CALN1: variants seen among roughly 807,000 people sequenced by gnomAD.
CALN1 encodes the protein calcium-binding protein 8.
Under a neutral mutation model 30.6 loss-of-function variants are expected in CALN1, and 17 were observed. The observed-to-expected ratio is 0.56, with a 90% CI of 0.38 to 0.83. The LOEUF is 0.83. Among genes scored for constraint, CALN1 ranks in the 40% least tolerant of loss-of-function variants. The pLI is 0.00. For synonymous variants in CALN1, 156 were observed against 131.4 expected (o/e 1.19, Z -1.28); for missense variants, 291 against 354.9 (o/e 0.82, Z 1.45).
At chr7:72,155,591 T>C (rs770232937) in intron 3 of CALN1, among the ~76,000 whole-genome samples, 16 of 152,106 alleles carry the variant, frequency 1.1e-4, no homozygotes, top group Non-Finnish European at 1.2e-4. Context: ...AGCAGACGCA[T>C]AGAGCTTCAT....
chr7:71,924,859 CT>C lies in CALN1; in HGVS notation c.501+98797del, dbSNP rs1319504285. 4.6e-5 allele frequency among the ~76,000 whole-genome samples: 7 copies of C among 152,056 alleles called. No individual in the cohort carries two copies. In the South Asian group the frequency reaches 1.4e-3, roughly 31 times the overall value. On this transcript the variant is annotated intron_variant, in intron 5 of 6. Coordinates refer to ENST00000395275, the MANE Select transcript of CALN1 (RefSeq NM_031468.4). ...CATTATGTCTTAAAACTATTAATTG[CT>C]TTAAATAATTGCTTTAAAGGATCAA...
chr7:71,870,181 G>A (rs780604219), intron 5 of CALN1, among the ~76,000 whole-genome samples: 3 of 152,108 alleles, frequency 2.0e-5, no homozygotes, highest in Non-Finnish European at 2.9e-5. Flanking sequence ...TCAGGAGTTC[G>A]AGACCAACCT....
upstream of CALN1, among the ~76,000 whole-genome samples, chr7:72,449,037 G>A (rs78923621): frequency 0.02 from 3,037 of 152,204 alleles, 110 homozygotes; most frequent in African/African-American, 0.07. Context: ...AGGGAGGTGG[G>A]CTGTAGTGTC....
chr7:72,144,141 T>C (rs1585031764), intron 3 of CALN1, among the ~76,000 whole-genome samples: 1 of 152,254 alleles, frequency 6.6e-6, no homozygotes, highest in Middle Eastern at 3.4e-3. Flanking sequence ...ACTTTAAATG[T>C]AAATGGACTA....
chr7:72,479,257 A>G, the CALN1 span, among the ~76,000 whole-genome samples: 2 of 152,092 alleles, frequency 1.3e-5, no homozygotes, highest in African/African-American at 4.8e-5. Flanking sequence ...CTTCTTATCA[A>G]GTTTGGAAAG....
intron 5 of CALN1, among the ~76,000 whole-genome samples, chr7:71,818,447 G>A (rs1248158047): frequency 6.6e-6 from 1 of 152,162 alleles, no homozygotes; most frequent in African/African-American, 2.4e-5. Flanking sequence ...AAGGAATGAG[G>A]TGAGGGATAT....
At chr7:72,069,521 T>C (rs1162298740) in intron 4 of CALN1, among the ~76,000 whole-genome samples, 1 of 152,132 alleles carries the variant, frequency 6.6e-6, no homozygotes, top group Non-Finnish European at 1.5e-5. Flanking sequence ...CAGTATCCTT[T>C]GGTTTCTGGC....
At chr7:72,089,809 A>G (rs1805730967) in intron 4 of CALN1, among the ~76,000 whole-genome samples, 1 of 152,218 alleles carries the variant, frequency 6.6e-6, no homozygotes, top group African/African-American at 2.4e-5. Context: ...AAGTAACATA[A>G]CATCAATACA....
intron 3 of CALN1, among the ~76,000 whole-genome samples, chr7:72,238,611 GA>G (rs67895213): frequency 0.54 from 81,785 of 151,768 alleles, 22,260 homozygotes; most frequent in South Asian, 0.65. Context: ...GAATCACAGG[GA>G]GGGTTAGCTC....
At chr7:72,390,940 A>C (rs1014450553) in intron 2 of CALN1, among the ~76,000 whole-genome samples, 2 of 152,198 alleles carry the variant, frequency 1.3e-5, no homozygotes, top group African/African-American at 2.4e-5. Flanking sequence ...CAGACTGCCA[A>C]AGGGATCCAT....
intron 5 of CALN1, among the ~76,000 whole-genome samples, chr7:71,874,339 A>AT (rs1792121159): frequency 1.3e-5 from 2 of 151,958 alleles, no homozygotes; most frequent in Non-Finnish European, 2.9e-5. Context: ...GAACAGAAAG[A>AT]TTCATCCATC....
At chr7:71,812,433 A>G (rs1788009400) in intron 5 of CALN1, among the ~76,000 whole-genome samples, 1 of 152,190 alleles carries the variant, frequency 6.6e-6, no homozygotes, top group African/African-American at 2.4e-5. Context: ...ACGATAGCAA[A>G]ACATTTGGTA....
Position 72,307,827 on chromosome 7 carries a change from G to T in CALN1, c.120-29017C>A, listed in dbSNP as rs529989409. The stretch of plus-strand genomic sequence containing the variant: ...GGGCAGAGGACAATGACTGAAAGAC[G>T]GCTGTTGCCTCAGGACATCTGCTGG... On this transcript the variant is annotated intron_variant, in intron 2 of 6. Transcript: ENST00000395275. Among the ~76,000 whole-genome samples, 263 of 152,116 alleles carry T rather than the reference G, an allele frequency of 1.7e-3. 11 individuals carry two copies. In the South Asian group the frequency reaches 0.053, roughly 31 times the overall value.
rs938403661 is a variant in CALN1 at position 72,403,355 on chromosome 7, C to T, written c.15G>A (p.Glu5=). The change falls in exon 2 of 7, where the codon GAG becomes GAA. Residue 5 remains glutamate (E), a synonymous_variant. Transcript: ENST00000395275. MRLP[E]QPGEGKPENE... ...TCTCGGGCTTCCCCTCTCCGGGTTG[C>T]TCTGGCAGCCGCATCGGGGGTCCAG... 1 of 1,547,716 alleles carries T rather than the reference C, an allele frequency of 6.5e-7. No individual in the cohort carries two copies. Among genetic ancestry groups the T allele is most frequent in the Non-Finnish European group, 8.7e-7 (1 of 1,146,834 alleles).
At chr7:72,155,098 G>A (rs563484363) in intron 3 of CALN1, among the ~76,000 whole-genome samples, 1 of 151,954 alleles carries the variant, frequency 6.6e-6, no homozygotes, top group Admixed American at 6.6e-5. Context: ...AAAAGAAAAG[G>A]AAGAAACACC....
At chr7:72,453,544 T>C in the CALN1 span, among the ~76,000 whole-genome samples, 1 of 152,222 alleles carries the variant, frequency 6.6e-6, no homozygotes, top group Non-Finnish European at 1.5e-5. Context: ...TTTCAGCCAG[T>C]CTTCAATCTG....
chr7:72,458,719 T>A, the CALN1 span, among the ~76,000 whole-genome samples: 4 of 85,830 alleles, frequency 4.7e-5, no homozygotes, highest in African/African-American at 5.0e-5. Context: ...ATAATATATT[T>A]TATAATATAT....
At chr7:72,487,866 AAG>A in the CALN1 span, among the ~76,000 whole-genome samples, 61 of 72,228 alleles carry the variant, frequency 8.4e-4, no homozygotes, top group African/African-American at 4.9e-3. Context: ...GAAAGAAAGA[AAG>A]AAAGAAAGAA....
intron 2 of CALN1, among the ~76,000 whole-genome samples, chr7:72,370,393 T>G (rs1310869116): frequency 6.6e-6 from 1 of 152,194 alleles, no homozygotes; most frequent in Admixed American, 6.5e-5. Context: ...AAGTCCTTTA[T>G]AAGACATGTG....
Sources: allele counts gnomAD v4.1 joint callset (sites outside exome capture counted in the v4.1 genomes callset), GRCh38; gene constraint gnomAD v4.1.1; transcripts MANE v1.5; gene names NCBI Gene and HGNC (gene_info 2026-07-23, HGNC 2026-07-21).